MTREX: variants seen among roughly 807,000 people sequenced by gnomAD.
The protein encoded by MTREX is exosome RNA helicase MTR4.
A neutral mutation model predicts 135.4 loss-of-function variants in MTREX; 76 were observed. The ratio of observed to expected loss-of-function variants is 0.56; its 90% confidence interval spans 0.47 to 0.68. The LOEUF is 0.68. Ranked by LOEUF, MTREX falls within the 30% of genes least tolerant of loss-of-function variation. The probability of loss-of-function intolerance (pLI) is 0.00; values close to 1 mark genes in which losing one functional copy is unlikely to be tolerated. For missense variants in MTREX, 920 were observed against 1,262.1 expected (o/e 0.73, Z 4.11); for synonymous variants, 404 against 401.6 (o/e 1.01, Z -0.07).
chr5:55,376,664 G>A (rs919694653), intron 16 of MTREX, among the ~76,000 whole-genome samples: 3 of 152,198 alleles, frequency 2.0e-5, no homozygotes, highest in African/African-American at 7.2e-5. Flanking sequence ...ACAATGTGGA[G>A]GACATAGTGC....
In MTREX at chr5:55,405,452, C is replaced by T. The variant is rs1750788985; in HGVS notation, c.2509C>T (p.Arg837Ter). 1.9e-6 allele frequency: 3 copies of T among 1,613,102 alleles called. No individual in the cohort carries two copies. The highest frequency in any genetic ancestry group is 1.3e-5 in the African/African-American group (1 of 74,844). Residue 837 changes from arginine (R) to a stop codon, truncating the protein, a stop_gained, in exon 22 of 27, where the codon CGA becomes TGA. Coordinates refer to ENST00000230640, the MANE Select transcript of MTREX (RefSeq NM_015360.5). LOFTEE classifies it high-confidence loss of function. ...TGCAATAGATATTAAATCTGCAAAGCGAGAACTGAAGAAAGCAAGAACAGT... is the reference window on the plus strand; with the variant it reads ...TGCAATAGATATTAAATCTGCAAAGTGAGAACTGAAGAAAGCAAGAACAGT... ...QIAIDIKSAK[R>*]ELKKARTVLQ...
intron 2 of MTREX, among the ~76,000 whole-genome samples, chr5:55,322,788 A>G (rs1390954800): frequency 6.6e-6 from 1 of 152,216 alleles, no homozygotes; most frequent in East Asian, 1.9e-4. Flanking sequence ...ATAAAAGGAA[A>G]AAATAAAGCT....
chr5:55,376,294 A>G (rs1025581073), intron 16 of MTREX, among the ~76,000 whole-genome samples: 1 of 152,262 alleles, frequency 6.6e-6, no homozygotes. Context: ...GCAGAAATCC[A>G]AAGTATTCCA....
At chr5:55,399,740 G>A (rs1750695766) in intron 20 of MTREX, among the ~76,000 whole-genome samples, 1 of 152,092 alleles carries the variant, frequency 6.6e-6, no homozygotes, top group Non-Finnish European at 1.5e-5. Flanking sequence ...GCCCACCTCG[G>A]CCTCCCAAAG....
intron 22 of MTREX, among the ~76,000 whole-genome samples, chr5:55,406,516 C>T: frequency 6.6e-6 from 1 of 152,180 alleles, no homozygotes; most frequent in East Asian, 1.9e-4. Context: ...CTTTTGTAAC[C>T]TAGCTTTGTT....
chr5:55,354,686 G>A (rs1245544401), intron 14 of MTREX, among the ~76,000 whole-genome samples: 6 of 152,204 alleles, frequency 3.9e-5, no homozygotes, highest in Non-Finnish European at 7.3e-5. Flanking sequence ...GCTGCCCCTG[G>A]GAAAAGCTGA....
intron 10 of MTREX, 72 bp from the exon 11 acceptor site, chr5:55,346,941 G>GT (rs1245080080): frequency 7.9e-7 from 1 of 1,273,424 alleles, no homozygotes; most frequent in Non-Finnish European, 1.1e-6. Flanking sequence ...AAGTTTTATA[G>GT]TTTTAGCTTT....
Position 55,425,559 on chromosome 5 carries a change from T to A in MTREX, c.*787T>A. 2.1e-6 allele frequency: 1 copy of A among 465,590 alleles called. No homozygotes were observed. Among genetic ancestry groups the A allele is most frequent in the South Asian group, 5.1e-5 (1 of 19,778 alleles). The allele number at this position is 465,590 out of a possible 1,614,324, so 28.8% of individuals were successfully genotyped here. A position where few individuals can be genotyped will look rare whatever the true frequency, so the allele number is the denominator to read the frequency against. On this transcript the variant is annotated 3_prime_UTR_variant, in exon 27 of 27. Transcript: ENST00000230640. ...GCAAATAGCTTCATTTTGCCAATACTGAATAAAAGAGTTATTTCTACATGT... is the reference window on the plus strand; with the variant it reads ...GCAAATAGCTTCATTTTGCCAATACAGAATAAAAGAGTTATTTCTACATGT...
chr5:55,388,114 A>C lies in MTREX; in HGVS notation c.2181+12A>C. 1 of 1,584,994 alleles carries C rather than the reference A, an allele frequency of 6.3e-7. No homozygotes were observed. The highest frequency in any genetic ancestry group is 1.3e-5 in the African/African-American group (1 of 74,330). On this transcript the variant is annotated intron_variant, in intron 19 of 26. Transcript: ENST00000230640. ...AAGGAGAGATGCAGGTTTGTACATA[A>C]CTTTCTGTCTTCTGATTTCAGATAT... is the stretch of plus-strand genomic sequence containing the variant.
chr5:55,320,352 C>G (rs574180859), intron 1 of MTREX, among the ~76,000 whole-genome samples: 5 of 151,742 alleles, frequency 3.3e-5, no homozygotes, highest in Non-Finnish European at 2.9e-5. Flanking sequence ...GTACCTGGGA[C>G]TACAGGTGCT....
chr5:55,349,963 C>T (rs62360496), intron 12 of MTREX, among the ~76,000 whole-genome samples: 21,285 of 152,108 alleles, frequency 0.14, 1,874 homozygotes, highest in East Asian at 0.26. Context: ...AAGGCTACCA[C>T]ATAAAATAAA....
At chr5:55,351,241 A>G (rs1208124042) in intron 13 of MTREX, among the ~76,000 whole-genome samples, 1 of 152,206 alleles carries the variant, frequency 6.6e-6, no homozygotes, top group Non-Finnish European at 1.5e-5. Context: ...TTCTTCAAGA[A>G]TGTAGTGGTG....
intron 20 of MTREX, among the ~76,000 whole-genome samples, chr5:55,399,974 G>A (rs1298225095): frequency 6.6e-6 from 1 of 152,142 alleles, no homozygotes; most frequent in African/African-American, 2.4e-5. Flanking sequence ...CCACGTTCAG[G>A]ACTATGATCA....
intron 1 of MTREX, among the ~76,000 whole-genome samples, chr5:55,317,127 A>G (rs1041062981): frequency 1.3e-5 from 2 of 152,182 alleles, no homozygotes; most frequent in African/African-American, 4.8e-5. Flanking sequence ...ATACTGTTCA[A>G]AGAAATCAGA....
intron 18 of MTREX, among the ~76,000 whole-genome samples, chr5:55,382,298 C>CAT (rs1162714837): frequency 6.6e-6 from 1 of 151,788 alleles, no homozygotes; most frequent in Non-Finnish European, 1.5e-5. Flanking sequence ...TTAAAGATTT[C>CAT]ATATATATAC....
intron 19 of MTREX, among the ~76,000 whole-genome samples, chr5:55,392,544 A>T (rs1468803976): frequency 7.5e-6 from 1 of 132,690 alleles, no homozygotes; most frequent in Non-Finnish European, 1.6e-5. Context: ...CTCTGTCTAA[A>T]AAAAAAAAAA....
At chr5:55,350,235 G>T (rs979659652) in intron 12 of MTREX, among the ~76,000 whole-genome samples, 1 of 152,160 alleles carries the variant, frequency 6.6e-6, no homozygotes, top group African/African-American at 2.4e-5. Context: ...TGAAAGTTTT[G>T]TTGAGTGGAA....
At chr5:55,399,574 A>G (rs1196351680) in intron 20 of MTREX, among the ~76,000 whole-genome samples, 2 of 151,804 alleles carry the variant, frequency 1.3e-5, no homozygotes, top group African/African-American at 2.4e-5. Flanking sequence ...CGCAAGCTCC[A>G]CCTCCCGGGT....
Position 55,400,430 on chromosome 5 carries a change from G to A in MTREX, c.2481+9G>A. Reference sequence around the variant, plus strand: ...GTGAAAAAAAAGCACAGGTATGGCAGAAATTTGGTTTTTATAGTAGAATTC... The same window carrying A: ...GTGAAAAAAAAGCACAGGTATGGCAAAAATTTGGTTTTTATAGTAGAATTC... On this transcript the variant is annotated intron_variant, in intron 21 of 26. Coordinates refer to ENST00000230640, the MANE Select transcript of MTREX (RefSeq NM_015360.5). 6.4e-7 allele frequency: 1 copy of A among 1,555,852 alleles called. No individual in the cohort carries two copies. Among genetic ancestry groups the A allele is most frequent in the Middle Eastern group, 1.7e-4 (1 of 5,736 alleles).
Sources: allele counts gnomAD v4.1 joint callset (sites outside exome capture counted in the v4.1 genomes callset), GRCh38; gene constraint gnomAD v4.1.1; transcripts MANE v1.5; gene names NCBI Gene and HGNC (gene_info 2026-07-23, HGNC 2026-07-21).